Variants in NPAS3 observed in about 807,000 individuals in gnomAD.
The protein encoded by NPAS3 is neuronal PAS domain-containing protein 3.
A neutral mutation model predicts 73.1 loss-of-function variants in NPAS3; 14 were observed. The ratio of observed to expected loss-of-function variants is 0.19; its 90% CI spans 0.13 to 0.30. The LOEUF (loss-of-function observed/expected upper bound fraction) is 0.30, where lower values mean the gene tolerates loss of function less well. Ranked by LOEUF, NPAS3 falls within the 10% of genes least tolerant of loss-of-function variation. NPAS3 has a pLI of 1.00. For synonymous variants in NPAS3, 620 were observed against 541.5 expected, an observed-to-expected ratio of 1.14 and a Z score of -2.01; for missense variants, 1,096 against 1,250.0, an observed-to-expected ratio of 0.88 and a Z score of 1.86.
chr14:33,039,893 G>A (rs2040296048), intron 1 of NPAS3, among the ~76,000 whole-genome samples: 1 of 152,154 alleles, frequency 6.6e-6, no homozygotes, highest in Admixed American at 6.5e-5. Flanking sequence ...GAGACACAAG[G>A]TATATTTGTA....
chr14:33,358,597 T>C (rs2045449758), intron 3 of NPAS3, among the ~76,000 whole-genome samples: 1 of 152,162 alleles, frequency 6.6e-6, no homozygotes, highest in Admixed American at 6.5e-5. Flanking sequence ...TGACTCCACC[T>C]CTCCCCACCT....
chr14:33,088,931 C>A (rs2138788585), intron 2 of NPAS3, among the ~76,000 whole-genome samples: 1 of 152,288 alleles, frequency 6.6e-6, no homozygotes, highest in East Asian at 1.9e-4. Context: ...GAGTGGAATT[C>A]CAGCAAACTC....
chr14:33,372,822 A>G (rs1246699905), intron 4 of NPAS3, among the ~76,000 whole-genome samples: 1 of 152,158 alleles, frequency 6.6e-6, no homozygotes, highest in Non-Finnish European at 1.5e-5. Context: ...GGATTTGTGC[A>G]TTTTGTGGCA....
chr14:33,466,676 G>A (rs765858938), intron 4 of NPAS3, among the ~76,000 whole-genome samples: 4 of 152,130 alleles, frequency 2.6e-5, no homozygotes, highest in South Asian at 2.1e-4. Flanking sequence ...ATTTACAATC[G>A]TGGTGGAAGG....
At chr14:33,230,481 A>G (rs1005966067) in intron 3 of NPAS3, among the ~76,000 whole-genome samples, 6 of 152,208 alleles carry the variant, frequency 3.9e-5, no homozygotes, top group Non-Finnish European at 8.8e-5. Context: ...AGAGGATAAA[A>G]TCTGATAGAA....
At chr14:33,215,513 T>TC (rs2047189971) in intron 3 of NPAS3, 87 bp downstream of exon 3, 1 of 1,423,918 alleles carries the variant, frequency 7.0e-7, no homozygotes, top group Non-Finnish European at 9.9e-7. Flanking sequence ...TTTCTTCTTT[T>TC]CCTGCATATC....
At chr14:33,657,736 T>C (rs964113478) in intron 5 of NPAS3, among the ~76,000 whole-genome samples, 9 of 152,208 alleles carry the variant, frequency 5.9e-5, no homozygotes, top group African/African-American at 1.9e-4. Context: ...CTCATGGATT[T>C]ATTTTTCACA....
In NPAS3 at chr14:33,774,549, C is replaced by T; in HGVS notation, c.1046+19C>T. 1 of 1,602,628 alleles carries T rather than the reference C, an allele frequency of 6.2e-7. No individual in the cohort carries two copies. Among genetic ancestry groups the T allele is most frequent in the Non-Finnish European group, 8.5e-7 (1 of 1,170,292 alleles). On this transcript the variant is annotated intron_variant, in intron 8 of 11. Transcript: ENST00000356141. ...AAAATAGGTACTTTGTTTTTGTTTT[C>T]ATTTGCCCTGTTGCACGTTGCACAT...
intron 7 of NPAS3, among the ~76,000 whole-genome samples, chr14:33,743,430 G>T (rs1465105966): frequency 6.6e-6 from 1 of 152,032 alleles, no homozygotes; most frequent in Non-Finnish European, 1.5e-5. Context: ...CTCAACAGTG[G>T]GCTTAAAATA....
intron 2 of NPAS3, among the ~76,000 whole-genome samples, chr14:33,083,562 C>G (rs2138741054): frequency 6.6e-6 from 1 of 152,256 alleles, no homozygotes; most frequent in African/African-American, 2.4e-5. Flanking sequence ...CTAGGGGAAA[C>G]AGTGCAGGAA....
chr14:33,147,730 A>AAATAT (rs372663411), intron 2 of NPAS3, among the ~76,000 whole-genome samples: 2 of 130,388 alleles, frequency 1.5e-5, no homozygotes, highest in Non-Finnish European at 3.1e-5. Context: ...TAGAATAAAA[A>AAATAT]ATATATATAT....
At chr14:32,942,630 G>T (rs146829558) in intron 1 of NPAS3, among the ~76,000 whole-genome samples, 2,522 of 152,274 alleles carry the variant, frequency 0.017, 76 homozygotes, top group African/African-American at 0.055. Context: ...CATGTGATAT[G>T]CCCATGCTGA....
Position 33,676,074 on chromosome 14 carries a change from T to G in NPAS3, c.559-137T>G, listed in dbSNP as rs1369846642. On this transcript the variant is annotated intron_variant, in intron 5 of 11. Transcript: ENST00000356141. ...TCAAGAATTCTTAAGTATTTGAAGATGAAGACAGAACCAGGATTGTTTCTG... is the reference window on the plus strand; with the variant it reads ...TCAAGAATTCTTAAGTATTTGAAGAGGAAGACAGAACCAGGATTGTTTCTG... 16 of 785,952 alleles carry G rather than the reference T, an allele frequency of 2.0e-5. 1 individual carries two copies. In the Admixed American group the frequency reaches 4.5e-4, roughly 22 times the overall value. 48.7% of individuals were successfully genotyped at this position (785,952 alleles called of 1,614,324 possible). A position where few individuals can be genotyped will look rare whatever the true frequency, so the allele number is the denominator to read the frequency against.
At chr14:33,417,785 T>C (rs2048209643) in intron 4 of NPAS3, among the ~76,000 whole-genome samples, 1 of 151,908 alleles carries the variant, frequency 6.6e-6, no homozygotes, top group African/African-American at 2.4e-5. Flanking sequence ...GAGATCTCAC[T>C]GAAATAAAAA....
At chr14:33,451,048 T>C (rs1594933056) in intron 4 of NPAS3, among the ~76,000 whole-genome samples, 1 of 152,226 alleles carries the variant, frequency 6.6e-6, no homozygotes, top group East Asian at 1.9e-4. Context: ...ACTCTATTAT[T>C]GTGGATCAAA....
intron 1 of NPAS3, 115 bp from the exon 2 acceptor site, chr14:33,055,790 A>ATCTC: frequency 3.2e-6 from 2 of 632,450 alleles, no homozygotes; most frequent in East Asian, 2.8e-5. Flanking sequence ...TTGTGTGTAG[A>ATCTC]GCTCAAAAGC....
At chr14:33,563,537 C>CACACAGAG in intron 5 of NPAS3, among the ~76,000 whole-genome samples, 1 of 119,652 alleles carries the variant, frequency 8.4e-6, no homozygotes, top group Non-Finnish European at 1.7e-5. Flanking sequence ...CACACACACA[C>CACACAGAG]AGAGAGAGAG....
chr14:33,162,363 T>G (rs961043934), intron 2 of NPAS3, among the ~76,000 whole-genome samples: 20 of 152,210 alleles, frequency 1.3e-4, no homozygotes, highest in Admixed American at 7.2e-4. Context: ...AGGCATCATA[T>G]CTTTACAATT....
At chr14:33,368,224 C>T (rs577139958) in intron 4 of NPAS3, among the ~76,000 whole-genome samples, 1 of 151,530 alleles carries the variant, frequency 6.6e-6, no homozygotes, top group Admixed American at 6.6e-5. Context: ...TGGTGCTTTC[C>T]TTTTCTAGGT....
Sources: gnomAD v4.1 joint callset for allele counts (sites outside exome capture counted in the v4.1 genomes callset) on GRCh38, gnomAD v4.1.1 for gene constraint, MANE v1.5 for transcripts, NCBI Gene and HGNC (gene_info 2026-07-23, HGNC 2026-07-21) for gene names.